RUNX1: variants seen among roughly 807,000 people sequenced by gnomAD.
The protein encoded by RUNX1 is RUNX family transcription factor 1, also known as runt-related transcription factor 1.
A neutral mutation model predicts 42.8 loss-of-function variants in RUNX1; 19 were observed. The ratio of observed to expected loss-of-function variants is 0.44; its 90% CI spans 0.31 to 0.65. The LOEUF is 0.65. RUNX1 is among the 30% of genes least tolerant of loss of function. The pLI is 0.07. For missense variants in RUNX1, 528 were observed against 672.0 expected (o/e 0.79, Z 2.37); for synonymous variants, 271 against 289.4 (o/e 0.94, Z 0.64).
In RUNX1 at chr21:34,907,445, C is replaced by G. The variant is rs2058231736; in HGVS notation, c.59-14482G>C. ...TCAGTAGTAAGGGTGAATACTGCTT[C>G]CTGAAGCTCTTTTTTTGATTGATGT... On this transcript the variant is annotated intron_variant, in intron 2 of 8. Coordinates refer to ENST00000675419, the MANE Select transcript of RUNX1 (RefSeq NM_001754.5). The surrounding 1 kb of genome is among the most constrained non-coding windows in gnomAD (Gnocchi z 5.3). Among the ~76,000 whole-genome samples, 1 of 151,836 alleles carries G rather than the reference C, an allele frequency of 6.6e-6. No homozygotes were observed.
intron 2 of RUNX1, among the ~76,000 whole-genome samples, chr21:34,998,793 GC>G (rs2059017862): frequency 1.3e-5 from 2 of 152,120 alleles, no homozygotes; most frequent in Admixed American, 1.3e-4. Context: ...CGCCCGCCTT[GC>G]CCTCCCAAAG....
intron 2 of RUNX1, among the ~76,000 whole-genome samples, chr21:35,012,526 T>C (rs952472364): frequency 6.6e-6 from 1 of 152,216 alleles, no homozygotes; most frequent in African/African-American, 2.4e-5. Flanking sequence ...AAGATCGACT[T>C]GAATGGTATC....
chr21:34,882,630 T>C (rs1269756673), intron 4 of RUNX1, among the ~76,000 whole-genome samples: 3 of 152,190 alleles, frequency 2.0e-5, no homozygotes, highest in African/African-American at 7.2e-5. Flanking sequence ...ATTCCCTTTT[T>C]GTTTTAAAAA....
At chr21:34,891,781 G>A (rs889946796) in intron 3 of RUNX1, among the ~76,000 whole-genome samples, 2 of 152,070 alleles carry the variant, frequency 1.3e-5, no homozygotes, top group Non-Finnish European at 2.9e-5. Flanking sequence ...ATTTTGTTGC[G>A]GGGAGAGGGA....
intron 5 of RUNX1, among the ~76,000 whole-genome samples, chr21:34,874,928 C>T (rs1179422203): frequency 1.3e-5 from 2 of 152,190 alleles, no homozygotes; most frequent in Non-Finnish European, 2.9e-5. Flanking sequence ...TGATAGTCTT[C>T]TGTCCCGACC....
chr21:34,889,172 G>GCCCCAGATCCTGCGCGGCCGC, intron 3 of RUNX1, among the ~76,000 whole-genome samples: 1 of 151,830 alleles, frequency 6.6e-6, no homozygotes, highest in Non-Finnish European at 1.5e-5. Flanking sequence ...CCCGCGGACG[G>GCCCCAGATCCTGCGCGGCCGC]CCCCAGATCC....
At chr21:34,865,410 CT>C (rs986486012) in intron 5 of RUNX1, among the ~76,000 whole-genome samples, 6 of 151,964 alleles carry the variant, frequency 3.9e-5, no homozygotes, top group African/African-American at 1.5e-4. Flanking sequence ...AGCTGGCGAC[CT>C]TTGTAAGGCA....
At chr21:34,793,705 T>C (rs1297435890) in intron 8 of RUNX1, among the ~76,000 whole-genome samples, 3 of 127,040 alleles carry the variant, frequency 2.4e-5, no homozygotes, top group African/African-American at 9.9e-5. Context: ...AAATATTTAT[T>C]CTTTTTTTTT....
chr21:35,027,089 C>G (rs1341814036), intron 2 of RUNX1, among the ~76,000 whole-genome samples: 5 of 152,146 alleles, frequency 3.3e-5, no homozygotes, highest in Admixed American at 6.5e-5. Context: ...GAAGTGAAAA[C>G]TCTGCAGGTG....
chr21:34,902,471 C>T (rs1390334478), intron 2 of RUNX1, among the ~76,000 whole-genome samples: 1 of 152,100 alleles, frequency 6.6e-6, no homozygotes, highest in Non-Finnish European at 1.5e-5. Flanking sequence ...GGAGTAAAGA[C>T]ATCAATATAT....
intron 7 of RUNX1, among the ~76,000 whole-genome samples, chr21:34,828,727 T>A (rs1601405478): frequency 6.6e-6 from 1 of 152,160 alleles, no homozygotes; most frequent in African/African-American, 2.4e-5. Context: ...AGGGAGTAAG[T>A]TAGTTATCAT....
intron 5 of RUNX1, among the ~76,000 whole-genome samples, chr21:34,872,216 T>G (rs562095330): frequency 1.3e-5 from 2 of 152,212 alleles, no homozygotes; most frequent in Admixed American, 1.3e-4. Flanking sequence ...AGTGGCTCCA[T>G]GGACTCTCTG....
At chr21:34,977,083 A>G (rs1569134102) in intron 2 of RUNX1, among the ~76,000 whole-genome samples, 1 of 152,236 alleles carries the variant, frequency 6.6e-6, no homozygotes, top group East Asian at 1.9e-4. Flanking sequence ...AATAAATTAG[A>G]GTGGTTGAGC....
intron 2 of RUNX1, among the ~76,000 whole-genome samples, chr21:34,985,669 T>A (rs1440632360): frequency 6.6e-6 from 1 of 152,158 alleles, no homozygotes; most frequent in Non-Finnish European, 1.5e-5. Flanking sequence ...TGGACTTGGC[T>A]TCCTTTCTCA....
intron 2 of RUNX1, among the ~76,000 whole-genome samples, chr21:34,940,076 A>T (rs763629963): frequency 6.6e-6 from 1 of 152,194 alleles, no homozygotes; most frequent in Non-Finnish European, 1.5e-5. Flanking sequence ...TTTGTAAAAA[A>T]ATCATGTTAG....
At chr21:34,936,738 G>A (rs376328478) in intron 2 of RUNX1, among the ~76,000 whole-genome samples, 2 of 152,272 alleles carry the variant, frequency 1.3e-5, no homozygotes, top group Non-Finnish European at 2.9e-5. Flanking sequence ...TGTAATTGCC[G>A]GCTGGAGTGG....
Position 34,944,086 on chromosome 21 carries a change from G to A in RUNX1, c.59-51123C>T, listed in dbSNP as rs541050665. 2.0e-5 allele frequency among the ~76,000 whole-genome samples: 3 copies of A among 152,240 alleles called. No individual in the cohort carries two copies. In the South Asian group the frequency reaches 6.2e-4, roughly 32 times the overall value. Reference sequence around the variant, plus strand: ...TGCAGTGGTGTGATCACAGCTCACTGTAGGCTCAAACTCCTGGGCTCAAGT... The same window carrying A: ...TGCAGTGGTGTGATCACAGCTCACTATAGGCTCAAACTCCTGGGCTCAAGT... On this transcript the variant is annotated intron_variant, in intron 2 of 8. Coordinates refer to ENST00000675419, the MANE Select transcript of RUNX1 (RefSeq NM_001754.5).
intron 5 of RUNX1, among the ~76,000 whole-genome samples, chr21:34,868,514 C>G (rs527758606): frequency 6.6e-6 from 1 of 152,218 alleles, no homozygotes; most frequent in Non-Finnish European, 1.5e-5. Flanking sequence ...CATCTCTCAG[C>G]TCCCAACAGG....
chr21:34,980,429 T>G (rs989167048), intron 2 of RUNX1, among the ~76,000 whole-genome samples: 15 of 152,184 alleles, frequency 9.9e-5, no homozygotes, highest in African/African-American at 2.9e-4. Flanking sequence ...AGCTGGGTCT[T>G]GTTTCAAATT....
Sources: allele counts gnomAD v4.1 joint callset (sites outside exome capture counted in the v4.1 genomes callset), GRCh38; gene constraint gnomAD v4.1.1; non-coding constraint Gnocchi (gnomAD v3.1); transcripts MANE v1.5; gene names NCBI Gene and HGNC (gene_info 2026-07-23, HGNC 2026-07-21).